The following UNC5B variants were observed in gnomAD, a reference collection of about 807,000 sequenced individuals.
UNC5B encodes the protein netrin receptor UNC5B.
UNC5B carries 56 observed loss-of-function variants against 103.7 expected under a neutral mutation model. The ratio of observed to expected loss-of-function variants is 0.54; its 90% CI spans 0.44 to 0.67. The LOEUF (loss-of-function observed/expected upper bound fraction) is 0.67. Ranked by LOEUF, UNC5B falls within the 30% of genes least tolerant of loss-of-function variation. The pLI is 0.00. For synonymous variants in UNC5B, 577 were observed against 542.0 expected, an observed-to-expected ratio of 1.06 and a Z score of -0.90; for missense variants, 1,194 against 1,284.5, an observed-to-expected ratio of 0.93 and a Z score of 1.08.
intron 1 of UNC5B, among the ~76,000 whole-genome samples, chr10:71,269,352 C>CCCCCA (rs1554865166): frequency 6.9e-6 from 1 of 145,448 alleles, no homozygotes; most frequent in Admixed American, 7.0e-5. Flanking sequence ...GTCCCCCCCC[C>CCCCCA]ACAACTTCTC....
At position 71,279,908 on chromosome 10, in the gene UNC5B, A is replaced by T. The variant is rs776335421; in HGVS notation, c.167A>T (p.Asp56Val). The change falls in exon 2 of 17, where the codon GAC becomes GTC. Residue 56 changes from aspartate to valine, a missense_variant. Physicochemically the swap from Asp to Val is radical, Grantham distance 152. Coordinates refer to ENST00000335350, the MANE Select transcript of UNC5B (RefSeq NM_170744.5). ...CCCTACTTCCTGCAGGAGCCACAGG[A>T]CGCCTACATTGTGAAGAACAAGCCT... is the stretch of plus-strand genomic sequence containing the variant. ...PLPYFLQEPQ[D>V]AYIVKNKPVE... 1 of 1,613,890 alleles carries T rather than the reference A, an allele frequency of 6.2e-7. No individual in the cohort carries two copies. The highest frequency in any genetic ancestry group is 8.5e-7 in the Non-Finnish European group (1 of 1,179,980).
intron 1 of UNC5B, among the ~76,000 whole-genome samples, chr10:71,214,791 G>A (rs879386817): frequency 3.3e-5 from 5 of 152,278 alleles, no homozygotes; most frequent in South Asian, 2.1e-4. Context: ...GGGGTGGCCT[G>A]CATTTCCTGC....
intron 8 of UNC5B, 92 bp from the exon 9 acceptor site, chr10:71,290,823 T>C (rs996964256): frequency 6.2e-6 from 9 of 1,457,906 alleles, no homozygotes; most frequent in Non-Finnish European, 7.3e-6. Flanking sequence ...CGGTTGGCCC[T>C]GGGCCCTGCC....
At chr10:71,231,276 C>G in intron 1 of UNC5B, among the ~76,000 whole-genome samples, 1 of 152,282 alleles carries the variant, frequency 6.6e-6, no homozygotes, top group East Asian at 1.9e-4. Context: ...TGGGGGTTGG[C>G]GAGAGTATGG....
Position 71,244,820 on chromosome 10 carries a change from G to C in UNC5B, c.79+31756G>C, listed in dbSNP as rs541959742. ...TGTGTGCGCCGAACTGGTTGGCGGC[G>C]GGGGCGTGCTGGCGTGCTTGTGTGA... On this transcript the variant is annotated intron_variant, in intron 1 of 16. Transcript: ENST00000335350. 2.6e-5 allele frequency among the ~76,000 whole-genome samples: 4 copies of C among 152,292 alleles called. No homozygotes were observed. In the East Asian group the frequency reaches 7.7e-4, roughly 29 times the overall value.
chr10:71,272,923 T>C (rs1349289642), intron 1 of UNC5B, among the ~76,000 whole-genome samples: 1 of 151,668 alleles, frequency 6.6e-6, no homozygotes, highest in Non-Finnish European at 1.5e-5. Context: ...GGAGTCTTGC[T>C]CCATTGCCCA....
chr10:71,227,173 C>CG (rs1457906429), intron 1 of UNC5B, among the ~76,000 whole-genome samples: 1 of 151,834 alleles, frequency 6.6e-6, no homozygotes, highest in African/African-American at 2.4e-5. Context: ...TTAGTAGAGA[C>CG]GGGGTTTCAC....
At position 71,291,634 on chromosome 10, in the gene UNC5B, G is replaced by T; in HGVS notation, c.1497G>T (p.Gly499=). 1 of 1,613,958 alleles carries T rather than the reference G, an allele frequency of 6.2e-7. No individual in the cohort carries two copies. The highest frequency in any genetic ancestry group is 8.5e-7 in the Non-Finnish European group (1 of 1,180,036). The change falls in exon 10 of 17, where the codon GGG becomes GGT. Residue 499 remains glycine (G), a synonymous_variant. Transcript: ENST00000335350. ...TTGSGPGLAD[G]ADLLGVLPPG... is the part of the protein sequence containing the mutation. ...GCTCTGGGCCAGGCCTGGCAGATGGGGCTGACCTGCTGGGGGTCTTGCCGC... is the reference window on the plus strand; with the variant it reads ...GCTCTGGGCCAGGCCTGGCAGATGGTGCTGACCTGCTGGGGGTCTTGCCGC...
chr10:71,283,121 A>G (rs1022467043), intron 2 of UNC5B, among the ~76,000 whole-genome samples: 2 of 88,532 alleles, frequency 2.3e-5, no homozygotes, highest in Admixed American at 2.0e-4. Context: ...CTCCGTCTCA[A>G]AAAAAAAAAG....
intron 1 of UNC5B, among the ~76,000 whole-genome samples, chr10:71,215,879 C>A (rs1253729482): frequency 1.3e-5 from 2 of 151,618 alleles, no homozygotes; most frequent in Admixed American, 6.6e-5. Context: ...ACAATGATAG[C>A]CTGTCCTTGT....
At chr10:71,269,503 T>C (rs1844597906) in intron 1 of UNC5B, among the ~76,000 whole-genome samples, 1 of 151,994 alleles carries the variant, frequency 6.6e-6, no homozygotes, top group South Asian at 2.1e-4. Context: ...CATCAGTTAG[T>C]GGAGTCCTGC....
chr10:71,230,575 C>T (rs566793844), intron 1 of UNC5B, among the ~76,000 whole-genome samples: 4 of 152,282 alleles, frequency 2.6e-5, no homozygotes, highest in African/African-American at 7.2e-5. Context: ...ATCAGGCCTC[C>T]GGCCCTGGGT....
At chr10:71,295,148 C>T (rs1395134916) in intron 13 of UNC5B, among the ~76,000 whole-genome samples, 2 of 152,228 alleles carry the variant, frequency 1.3e-5, no homozygotes, top group African/African-American at 2.4e-5. Context: ...GGAGTGTCCC[C>T]TGCTGGGAGG....
At chr10:71,251,051 T>C (rs1266381325) in intron 1 of UNC5B, among the ~76,000 whole-genome samples, 1 of 152,214 alleles carries the variant, frequency 6.6e-6, no homozygotes, top group Non-Finnish European at 1.5e-5. Flanking sequence ...ATTAGTGATG[T>C]CTGTCATGGG....
At chr10:71,263,030 G>T (rs946066962) in intron 1 of UNC5B, among the ~76,000 whole-genome samples, 2 of 152,256 alleles carry the variant, frequency 1.3e-5, no homozygotes, top group African/African-American at 4.8e-5. Flanking sequence ...CTCTGGGGAA[G>T]TGAACTTTAA....
At position 71,293,840 on chromosome 10, in the gene UNC5B, G is replaced by T. The variant is rs753045488; in HGVS notation, c.2082G>T (p.Arg694=). 2.5e-6 allele frequency: 4 copies of T among 1,611,014 alleles called. No homozygotes were observed. The highest frequency in any genetic ancestry group is 3.4e-6 in the Non-Finnish European group (4 of 1,179,648). ...GESYSRSAVK[R]LQLAVFAPAL... ...CCTATTCCCGCTCAGCAGTCAAGCG[G>T]CTCCAGCTGGCCGTCTTCGCCCCCG... Residue 694 remains arginine, a synonymous_variant, in exon 13 of 17, where the codon CGG becomes CGT. Transcript: ENST00000335350.
rs187191136 is a variant in UNC5B, at chr10:71,255,828, G to A, written c.80-23993G>A. Among the ~76,000 whole-genome samples the A allele has an allele frequency of 1.8e-3, 276 of 152,294 alleles. 2 individuals are homozygous for A. Among genetic ancestry groups the A allele is most frequent in the African/African-American group, 6.1e-3 (253 of 41,566 alleles). On this transcript the variant is annotated intron_variant, in intron 1 of 16. Coordinates refer to ENST00000335350, the MANE Select transcript of UNC5B (RefSeq NM_170744.5). ...GTCTGGCCTCCAGCAGCTTGCATCC[G>A]AAGCCAAAGGGCTGTCTCTGTCCAA...
chr10:71,280,170 C>A, intron 2 of UNC5B, 125 bp downstream of exon 2: 3 of 1,055,206 alleles, frequency 2.8e-6, no homozygotes, highest in African/African-American at 1.6e-5. Flanking sequence ...CAAGTGCTGG[C>A]CACATGTCCC....
At chr10:71,263,987 G>T (rs958829538) in intron 1 of UNC5B, among the ~76,000 whole-genome samples, 5 of 152,214 alleles carry the variant, frequency 3.3e-5, no homozygotes, top group Non-Finnish European at 7.3e-5. Context: ...TAAATGGGTG[G>T]CAGGGAATGG....
Sources: allele counts gnomAD v4.1 joint callset (sites outside exome capture counted in the v4.1 genomes callset), GRCh38; gene constraint gnomAD v4.1.1; transcripts MANE v1.5; gene names NCBI Gene and HGNC (gene_info 2026-07-23, HGNC 2026-07-21).